The following SHCBP1L variants were observed in gnomAD, a reference collection of about 807,000 sequenced individuals.
SHCBP1L encodes the protein testicular spindle-associated protein SHCBP1L.
A neutral mutation model predicts 62.5 loss-of-function variants in SHCBP1L; 67 were observed. The ratio of observed to expected loss-of-function variants is 1.07; its 90% CI spans 0.88 to 1.31. The LOEUF is 1.31. Among genes scored for constraint, SHCBP1L ranks in the 40% most tolerant of loss-of-function variants. SHCBP1L has a pLI of 0.00. For synonymous variants in SHCBP1L, 284 were observed against 289.4 expected (o/e 0.98, Z 0.19); for missense variants, 823 against 809.8 (o/e 1.02, Z -0.20).
In SHCBP1L at chr1:182,900,152, A is replaced by G. The variant is rs756269852; in HGVS notation, c.1793T>C (p.Met598Thr). ...TTCTGCTACGATAAAAAACTGTTCC[A>G]TTGGTTGAAGAATGCTTACTCCATA... is the stretch of plus-strand genomic sequence containing the variant. ...KGYGVSILQP[M>T]EQFFIVAEEA... The change falls in exon 10 of 10, where the codon ATG becomes ACG. Residue 598 changes from methionine to threonine, a missense_variant. Met to Thr is a moderately conservative substitution (Grantham distance 81, BLOSUM62 -1). Transcript: ENST00000367547. 1.2e-6 allele frequency: 2 copies of G among 1,612,458 alleles called. No individual in the cohort carries two copies. Among genetic ancestry groups the G allele is most frequent in the Non-Finnish European group, 8.5e-7 (1 of 1,179,158 alleles).
At position 182,953,163 on chromosome 1, in the gene SHCBP1L, C is replaced by G. The variant is rs924227761; in HGVS notation, c.-30G>C. On this transcript the variant is annotated 5_prime_UTR_variant, in exon 1 of 10. Coordinates refer to ENST00000367547, the MANE Select transcript of SHCBP1L (RefSeq NM_030933.4). ...TCAGCAGCCCGAGGGCCGAGGCAGC[C>G]GTTGGCCACTTTTCCCGCCCTCGGC... is the stretch of plus-strand genomic sequence containing the variant. The G allele has an allele frequency of 7.6e-6, 12 of 1,569,218 alleles. No individual in the cohort carries two copies. The highest frequency in any genetic ancestry group is 8.6e-6 in the Non-Finnish European group (10 of 1,165,858).
At chr1:182,923,308 A>C (rs1650579042) in intron 6 of SHCBP1L, among the ~76,000 whole-genome samples, 1 of 152,210 alleles carries the variant, frequency 6.6e-6, no homozygotes, top group Non-Finnish European at 1.5e-5. Context: ...CCAGACGTAT[A>C]AGAGTTGCTA....
At chr1:182,930,580 T>TATATATATACACATATATAC (rs1557999347) in intron 5 of SHCBP1L, among the ~76,000 whole-genome samples, 3 of 121,622 alleles carry the variant, frequency 2.5e-5, no homozygotes, top group African/African-American at 1.0e-4. Flanking sequence ...TATATATATA[T>TATATATATACACATATATAC]ATATATATAT....
chr1:182,912,452 G>A (rs1650218497), intron 6 of SHCBP1L, among the ~76,000 whole-genome samples: 1 of 152,092 alleles, frequency 6.6e-6, no homozygotes, highest in Non-Finnish European at 1.5e-5. Context: ...ACCTGGAGGA[G>A]GGCATGGGAG....
intron 5 of SHCBP1L, among the ~76,000 whole-genome samples, chr1:182,938,963 A>G (rs1329767250): frequency 6.6e-6 from 1 of 152,206 alleles, no homozygotes; most frequent in African/African-American, 2.4e-5. Flanking sequence ...AAATGGATTA[A>G]TGAGTTCTTT....
chr1:182,907,257 A>AC (rs1162582253), intron 6 of SHCBP1L, among the ~76,000 whole-genome samples: 2 of 150,216 alleles, frequency 1.3e-5, no homozygotes, highest in African/African-American at 4.9e-5. Context: ...ACATGGTGAA[A>AC]CCCCGTCTCT....
chr1:182,924,798 A>AGAGAGAG (rs1650659805), intron 6 of SHCBP1L, among the ~76,000 whole-genome samples: 1 of 131,592 alleles, frequency 7.6e-6, no homozygotes, highest in African/African-American at 3.0e-5. Flanking sequence ...GAGAGAAAGA[A>AGAGAGAG]AGGAAGGAAG....
intron 2 of SHCBP1L, among the ~76,000 whole-genome samples, chr1:182,943,275 A>ATTTTT (rs767553592): frequency 1.3e-5 from 1 of 79,092 alleles, no homozygotes; most frequent in Non-Finnish European, 2.5e-5. Flanking sequence ...ACCATTCTTG[A>ATTTTT]TTTTTTTTTT....
At chr1:182,939,864 C>T (rs1651300117) in intron 3 of SHCBP1L, among the ~76,000 whole-genome samples, 1 of 151,886 alleles carries the variant, frequency 6.6e-6, no homozygotes, top group Non-Finnish European at 1.5e-5. Context: ...GGGAGGAAAA[C>T]ATTAGAAAAA....
rs1649988826 is a variant in SHCBP1L at position 182,905,643 on chromosome 1, C to T, written c.1189G>A (p.Asp397Asn). The T allele has an allele frequency of 6.2e-7, 1 of 1,609,250 alleles. No individual in the cohort carries two copies. The highest frequency in any genetic ancestry group is 2.2e-5 in the East Asian group (1 of 44,712). ...TGGAGAAGTGTGTCTGAAGATAAAT[C>T]CTTTATCTAAAAAGAAATAAAACAC... ...AKMMTTEMIK[D>N]LSSDTLLQQH... The change falls in exon 7 of 10, where the codon GAT becomes AAT. Residue 397 changes from aspartate to asparagine, a missense_variant. Asp to Asn is a conservative substitution (Grantham distance 23). Coordinates refer to ENST00000367547, the MANE Select transcript of SHCBP1L (RefSeq NM_030933.4).
chr1:182,948,735 C>A (rs972200714), intron 2 of SHCBP1L, among the ~76,000 whole-genome samples: 1 of 151,982 alleles, frequency 6.6e-6, no homozygotes, highest in African/African-American at 2.4e-5. Context: ...AAAGAAAAAG[C>A]GATCAGGGGC....
chr1:182,913,228 G>A (rs1432512773), intron 6 of SHCBP1L, among the ~76,000 whole-genome samples: 3 of 152,142 alleles, frequency 2.0e-5, no homozygotes, highest in Non-Finnish European at 4.4e-5. Flanking sequence ...ACCCAAAAAA[G>A]GAGTTGTGAG....
rs180939842 is a variant in SHCBP1L, at chr1:182,916,243, A to G, written c.1183-10594T>C. 1.1e-3 allele frequency among the ~76,000 whole-genome samples: 163 copies of G among 152,350 alleles called. 1 individual carries two copies. Among genetic ancestry groups the G allele is most frequent in the Admixed American group, 0.011 (162 of 15,300 alleles). On this transcript the variant is annotated intron_variant, in intron 6 of 9. Transcript: ENST00000367547. ...CAGGAAAAACAGAGCTCAGAGAGAA[A>G]TTTATAGCAGTAAATGCCTACATTA...
Position 182,939,502 on chromosome 1 carries a change from C to A in SHCBP1L, c.822G>T (p.Glu274Asp), listed in dbSNP as rs1370851561. 1 of 1,609,110 alleles carries A rather than the reference C, an allele frequency of 6.2e-7. No individual in the cohort carries two copies. The highest frequency in any genetic ancestry group is 8.5e-7 in the Non-Finnish European group (1 of 1,177,902). Residue 274 changes from glutamate to aspartate, a missense_variant, in exon 4 of 10, where the codon GAG (glutamate) becomes GAT (aspartate). Coordinates refer to ENST00000367547, the MANE Select transcript of SHCBP1L (RefSeq NM_030933.4). ...TTTCTTCAATAAGTGCAGTATAATT[C>A]TCACAACTTTCTTCATCATCCCAGT... ...WRDWDDEESCENYTALIEERI... is the reference protein window; with the variant it reads ...WRDWDDEESCDNYTALIEERI...
chr1:182,910,224 C>A (rs933108734), intron 6 of SHCBP1L, among the ~76,000 whole-genome samples: 2 of 152,142 alleles, frequency 1.3e-5, no homozygotes, highest in Admixed American at 1.3e-4. Context: ...AACACAGCAA[C>A]AAAGGAAATG....
Position 182,952,900 on chromosome 1 carries a change from G to T in SHCBP1L, c.234C>A (p.Ala78=). Residue 78 remains alanine, a synonymous_variant, in exon 1 of 10, where the codon GCC becomes GCA. Coordinates refer to ENST00000367547, the MANE Select transcript of SHCBP1L (RefSeq NM_030933.4). Reference sequence around the variant, plus strand: ...CCGCCGCCGCCTCTCCCGTGTCCTCGGCCTGAGCCGCGGGCAGGCGCTGGA... The same window carrying T: ...CCGCCGCCGCCTCTCCCGTGTCCTCTGCCTGAGCCGCGGGCAGGCGCTGGA... ...LRLQRLPAAQ[A]EDTGEAAAAA... is the part of the protein sequence containing the mutation. The T allele has an allele frequency of 6.3e-7, 1 of 1,582,602 alleles. No homozygotes were observed. The highest frequency in any genetic ancestry group is 8.6e-7 in the Non-Finnish European group (1 of 1,165,302).
intron 9 of SHCBP1L, among the ~76,000 whole-genome samples, chr1:182,901,974 C>T (rs1233067155): frequency 1.3e-5 from 2 of 151,614 alleles, no homozygotes; most frequent in African/African-American, 4.8e-5. Context: ...TATTTAAGAA[C>T]AGAAAAAATG....
chr1:182,910,773 A>G (rs1007973354), intron 6 of SHCBP1L, among the ~76,000 whole-genome samples: 1 of 152,228 alleles, frequency 6.6e-6, no homozygotes, highest in Non-Finnish European at 1.5e-5. Flanking sequence ...AAAAGCTAAT[A>G]CAAAGTTTTA....
chr1:182,938,878 T>C (rs1239682323), intron 5 of SHCBP1L, among the ~76,000 whole-genome samples: 1 of 152,220 alleles, frequency 6.6e-6, no homozygotes, highest in Admixed American at 6.5e-5. Flanking sequence ...ACATATTATA[T>C]ATAGAGGAGG....
Sources: gnomAD v4.1 joint callset for allele counts (sites outside exome capture counted in the v4.1 genomes callset) on GRCh38, gnomAD v4.1.1 for gene constraint, MANE v1.5 for transcripts, NCBI Gene and HGNC (gene_info 2026-07-23, HGNC 2026-07-21) for gene names.